Variants in EIF2AK2 observed in about 807,000 individuals in gnomAD.
The protein encoded by EIF2AK2 is eukaryotic translation initiation factor 2 alpha kinase 2.
In EIF2AK2, 40 loss-of-function variants were observed where a neutral mutation model predicts 70.5. That is an observed-to-expected ratio of 0.57 (90% CI 0.44 to 0.74). EIF2AK2 has a LOEUF of 0.74. Among genes scored for constraint, EIF2AK2 ranks in the 30% least tolerant of loss-of-function variants. EIF2AK2 has a pLI of 0.00. For synonymous variants in EIF2AK2, 198 were observed against 220.9 expected (o/e 0.90, Z 0.92); for missense variants, 555 against 644.3 (o/e 0.86, Z 1.50).
intron 13 of EIF2AK2, among the ~76,000 whole-genome samples, chr2:37,117,540 C>G (rs1482356913): frequency 6.6e-6 from 1 of 151,930 alleles, no homozygotes; most frequent in African/African-American, 2.4e-5. Flanking sequence ...TTGTAAAACA[C>G]AAAAGAAATA....
intron 12 of EIF2AK2, among the ~76,000 whole-genome samples, 192 bp from the exon 13 acceptor site, chr2:37,120,331 C>A (rs1398398612): frequency 6.6e-6 from 1 of 150,498 alleles, no homozygotes; most frequent in African/African-American, 2.4e-5. Flanking sequence ...CGGTGAAACC[C>A]CGTCTCTACT....
chr2:37,151,937 G>C (rs1438462847), intron 1 of EIF2AK2, among the ~76,000 whole-genome samples: 3 of 152,170 alleles, frequency 2.0e-5, no homozygotes, highest in Admixed American at 6.5e-5. Context: ...GCGGTGGCGC[G>C]CGCCTGTAGT....
intron 11 of EIF2AK2, among the ~76,000 whole-genome samples, chr2:37,124,478 C>T (rs1172014327): frequency 1.3e-5 from 2 of 152,054 alleles, no homozygotes; most frequent in Non-Finnish European, 2.9e-5. Context: ...GCCAGATGGC[C>T]TCAGTCTCTT....
Position 37,106,546 on chromosome 2 carries a change from T to C in EIF2AK2, c.*727A>G, listed in dbSNP as rs1472458234. 1.3e-5 allele frequency: 2 copies of C among 151,760 alleles called. No homozygotes were observed. The highest frequency in any genetic ancestry group is 2.4e-5 in the African/African-American group (1 of 41,338). 9.4% of individuals were successfully genotyped at this position (151,760 alleles called of 1,614,324 possible). ...ACTTTACTAGATAATGCCAAATTGT[T>C]TTCCGAAGTGGTTGTACATCACTTT... On this transcript the variant is annotated 3_prime_UTR_variant, in exon 17 of 17. Transcript: ENST00000233057.
At chr2:37,149,505 C>T (rs1414319012) in intron 1 of EIF2AK2, among the ~76,000 whole-genome samples, 2 of 152,082 alleles carry the variant, frequency 1.3e-5, no homozygotes, top group African/African-American at 2.4e-5. Flanking sequence ...CAGCATTAAG[C>T]CTGCCTGGAC....
chr2:37,126,594 A>C (rs548281742), intron 10 of EIF2AK2, among the ~76,000 whole-genome samples, 183 bp from the exon 11 acceptor site: 1 of 151,504 alleles, frequency 6.6e-6, no homozygotes, highest in African/African-American at 2.4e-5. Flanking sequence ...TAGTCCTCTC[A>C]CTCCTCCCAG....
At chr2:37,109,124 C>T in intron 15 of EIF2AK2, 70 bp downstream of exon 15, 1 of 1,402,768 alleles carries the variant, frequency 7.1e-7, no homozygotes, top group Non-Finnish European at 1.0e-6. Context: ...CAAGAACTGT[C>T]TGCAGCAGCA....
chr2:37,123,848 G>A (rs1674639819), intron 11 of EIF2AK2, among the ~76,000 whole-genome samples: 1 of 152,056 alleles, frequency 6.6e-6, no homozygotes, highest in African/African-American at 2.4e-5. Flanking sequence ...CAAAGATGAG[G>A]AAGAATAATC....
intron 14 of EIF2AK2, among the ~76,000 whole-genome samples, chr2:37,113,498 CA>C (rs61174879): frequency 0.12 from 3,881 of 33,044 alleles, 24 homozygotes; most frequent in South Asian, 0.17. Context: ...AACTCCATCT[CA>C]AAAAAAAAAA....
chr2:37,126,522 T>C, intron 10 of EIF2AK2, 111 bp from the exon 11 acceptor site: 1 of 1,439,282 alleles, frequency 6.9e-7, no homozygotes, highest in Non-Finnish European at 9.3e-7. Flanking sequence ...ATAAAACAAA[T>C]TTGATTCTCT....
intron 16 of EIF2AK2, 32 bp from the exon 17 acceptor site, chr2:37,107,427 A>G (rs1294671169): frequency 1.7e-5 from 27 of 1,610,412 alleles, no homozygotes; most frequent in Non-Finnish European, 2.3e-5. Flanking sequence ...ATAGTAAGAA[A>G]TAAAACATTG....
At position 37,122,479 on chromosome 2, in the gene EIF2AK2, T is replaced by G. The variant is rs2307470; in HGVS notation, c.1067+27A>C. Reference sequence around the variant, plus strand: ...ATAACAATTTCCTTCCATCCTATTATGGCTATGAGAATTTATTTTTAGTTA... The same window carrying G: ...ATAACAATTTCCTTCCATCCTATTAGGGCTATGAGAATTTATTTTTAGTTA... On this transcript the variant is annotated intron_variant, in intron 12 of 16. Coordinates refer to ENST00000233057, the MANE Select transcript of EIF2AK2 (RefSeq NM_001135651.3). 118 of 1,609,136 alleles carry G rather than the reference T, an allele frequency of 7.3e-5. No individual in the cohort carries two copies. In the African/African-American group the frequency reaches 1.4e-3, roughly 19 times the overall value.
intron 11 of EIF2AK2, among the ~76,000 whole-genome samples, chr2:37,123,576 T>G (rs1195533766): frequency 6.6e-6 from 1 of 152,118 alleles, no homozygotes; most frequent in Admixed American, 6.6e-5. Flanking sequence ...CCAGTGCAAT[T>G]TTTCATAGCT....
chr2:37,129,416 C>T (rs942817394), intron 10 of EIF2AK2, among the ~76,000 whole-genome samples: 11 of 152,128 alleles, frequency 7.2e-5, no homozygotes, highest in Admixed American at 2.6e-4. Context: ...GGGACACCTT[C>T]CCCATTCGGG....
chr2:37,143,422 C>G (rs958139592), intron 4 of EIF2AK2, among the ~76,000 whole-genome samples: 2 of 152,112 alleles, frequency 1.3e-5, no homozygotes, highest in African/African-American at 4.8e-5. Context: ...TATTGGTTCT[C>G]CATTACCTGC....
In EIF2AK2 at chr2:37,139,715, A is replaced by C. The variant is rs749993722; in HGVS notation, c.432T>G (p.Ile144Met). 6.2e-7 allele frequency: 1 copy of C among 1,613,616 alleles called. No individual in the cohort carries two copies. Among genetic ancestry groups the C allele is most frequent in the South Asian group, 1.1e-5 (1 of 90,960 alleles). The change falls in exon 6 of 17, where the codon ATT (isoleucine) becomes ATG (methionine). Residue 144 changes from isoleucine (I) to methionine (M), a missense_variant. This residue lies in a region of EIF2AK2 where 208 missense variants were observed against 191.8 expected (regional missense o/e 1.08). Coordinates refer to ENST00000233057, the MANE Select transcript of EIF2AK2 (RefSeq NM_001135651.3). Reference sequence around the variant, plus strand: ...CTTCCTGTTTAGTAGAACCTGTACCAATACTATATTCTTTCTGTCCCATTT... The same window carrying C: ...CTTCCTGTTTAGTAGAACCTGTACCCATACTATATTCTTTCTGTCCCATTT... ...KCKMGQKEYS[I>M]GTGSTKQEAK...
intron 10 of EIF2AK2, among the ~76,000 whole-genome samples, chr2:37,135,262 A>T (rs1284217485): frequency 6.6e-6 from 1 of 152,224 alleles, no homozygotes; most frequent in Non-Finnish European, 1.5e-5. Flanking sequence ...GTATCAAAAC[A>T]ACCAACTAGA....
At chr2:37,148,333 GA>G (rs1180295489) in intron 2 of EIF2AK2, among the ~76,000 whole-genome samples, 1 of 152,182 alleles carries the variant, frequency 6.6e-6, no homozygotes, top group Non-Finnish European at 1.5e-5. Flanking sequence ...AGAAGAAAAA[GA>G]TTTAGAGTAT....
Position 37,120,065 on chromosome 2 carries a change from C to CT in EIF2AK2, c.1141dup (p.Arg381LysfsTer16). ...AACTTTGTCTAGTTTCTCGCCTCTTCTTTTTTCAATCCATTGTTCCAAGGT... is the reference window on the plus strand; with the variant it reads ...AACTTTGTCTAGTTTCTCGCCTCTTCTTTTTTTCAATCCATTGTTCCAAGGT... On this transcript the variant is annotated frameshift_variant, in exon 13 of 17. Coordinates refer to ENST00000233057, the MANE Select transcript of EIF2AK2 (RefSeq NM_001135651.3). LOFTEE classifies it high-confidence loss of function. 1.3e-6 allele frequency: 2 copies of CT among 1,542,956 alleles called. No individual in the cohort carries two copies. Among genetic ancestry groups the CT allele is most frequent in the Non-Finnish European group, 1.8e-6 (2 of 1,140,444 alleles).
Sources: gnomAD v4.1 joint callset for allele counts (sites outside exome capture counted in the v4.1 genomes callset) on GRCh38, gnomAD v4.1.1 for gene constraint, gnomAD v4.1.1 regional missense constraint, MANE v1.5 for transcripts, NCBI Gene and HGNC (gene_info 2026-07-23, HGNC 2026-07-21) for gene names.